WWP1: variants seen among roughly 807,000 people sequenced by gnomAD.
WWP1 encodes WW domain containing E3 ubiquitin protein ligase 1, also known as NEDD4-like E3 ubiquitin-protein ligase WWP1.
In WWP1, 49 loss-of-function variants were observed where a neutral mutation model predicts 130.6. That is an observed-to-expected ratio of 0.38 (90% CI 0.30 to 0.48). The LOEUF is 0.48. WWP1 is among the 20% of genes least tolerant of loss of function. The pLI, the probability that WWP1 is intolerant of heterozygous loss-of-function variation, is 0.99. For synonymous variants in WWP1, 332 were observed against 367.8 expected, an observed-to-expected ratio of 0.90 and a Z score of 1.11; for missense variants, 809 against 1,100.6, an observed-to-expected ratio of 0.74 and a Z score of 3.75.
At position 86,417,340 on chromosome 8, in the gene WWP1, C is replaced by T. The variant is rs137969043; in HGVS notation, c.1061+5466C>T. The T allele has an allele frequency of 2.3e-3, 346 of 152,146 alleles. 1 individual carries two copies. Among genetic ancestry groups the T allele is most frequent in the African/African-American group, 7.6e-3 (316 of 41,494 alleles). 9.4% of individuals were successfully genotyped at this position (152,146 alleles called of 1,614,324 possible). On this transcript the variant is annotated intron_variant, in intron 9 of 24. Transcript: ENST00000517970. Reference sequence around the variant, plus strand: ...GGTTCACAAAGCCTAAGATATTTACCGTCTGGCTCTTTGTAGAAATTTGCC... The same window carrying T: ...GGTTCACAAAGCCTAAGATATTTACTGTCTGGCTCTTTGTAGAAATTTGCC...
rs1012959189 is a variant in WWP1, at chr8:86,364,833, AAG to A, written c.-114-4082_-114-4081del. Among the ~76,000 whole-genome samples, 252 of 113,730 alleles carry A rather than the reference AAG, an allele frequency of 2.2e-3. 2 individuals are homozygous for A. Among genetic ancestry groups the A allele is most frequent in the East Asian group, 0.011 (49 of 4,356 alleles). 74.6% of individuals were successfully genotyped at this position (113,730 alleles called of 152,430 possible). A position where few individuals can be genotyped will look rare whatever the true frequency, so the allele number is the denominator to read the frequency against. On this transcript the variant is annotated intron_variant, in intron 1 of 24. Coordinates refer to ENST00000517970, the MANE Select transcript of WWP1 (RefSeq NM_007013.4). ...AAAGAAAGAAAGAAAGAAAGAAAGAAAGAGAGAGAGAGAGAGAGAGAGAGAAA... is the reference window on the plus strand; with the variant it reads ...AAAGAAAGAAAGAAAGAAAGAAAGAAAGAGAGAGAGAGAGAGAGAGAGAAA...
intron 1 of WWP1, among the ~76,000 whole-genome samples, chr8:86,351,263 T>C (rs1457524279): frequency 6.6e-6 from 1 of 152,234 alleles, no homozygotes; most frequent in Non-Finnish European, 1.5e-5. Flanking sequence ...TTCACTTTGC[T>C]GTGAGCTACT....
chr8:86,453,165 A>G (rs1811265494), intron 21 of WWP1, among the ~76,000 whole-genome samples: 2 of 152,148 alleles, frequency 1.3e-5, no homozygotes. Context: ...TCATCCTGCA[A>G]AACTGAAACT....
chr8:86,446,354 TTGA>T (rs1810880520), intron 18 of WWP1, among the ~76,000 whole-genome samples: 1 of 152,130 alleles, frequency 6.6e-6, no homozygotes, highest in African/African-American at 2.4e-5. Context: ...TTTTTTCTTG[TTGA>T]TTTGCTTACT....
chr8:86,364,140 A>G (rs1823826513), intron 1 of WWP1, among the ~76,000 whole-genome samples: 1 of 152,232 alleles, frequency 6.6e-6, no homozygotes. Flanking sequence ...GATTAGAATT[A>G]ATGAGAATGA....
At chr8:86,397,735 T>A (rs1159950179) in intron 5 of WWP1, among the ~76,000 whole-genome samples, 1 of 152,176 alleles carries the variant, frequency 6.6e-6, no homozygotes, top group Non-Finnish European at 1.5e-5. Context: ...GAACTAGATG[T>A]TCTAATAATG....
chr8:86,440,436 A>G (rs1288048882), intron 17 of WWP1, among the ~76,000 whole-genome samples: 2 of 152,200 alleles, frequency 1.3e-5, no homozygotes, highest in African/African-American at 4.8e-5. Context: ...TTCACTAGAT[A>G]TAAATTTCTC....
At chr8:86,354,157 A>T (rs893320699) in intron 1 of WWP1, among the ~76,000 whole-genome samples, 32 of 152,340 alleles carry the variant, frequency 2.1e-4, no homozygotes, top group African/African-American at 7.7e-4. Context: ...ACTGAGAATA[A>T]TATACCCAAT....
At chr8:86,403,220 A>G (rs1808097928) in intron 8 of WWP1, among the ~76,000 whole-genome samples, 1 of 152,198 alleles carries the variant, frequency 6.6e-6, no homozygotes, top group Non-Finnish European at 1.5e-5. Flanking sequence ...TTGTCTATTT[A>G]TGGAAGTATT....
At position 86,380,766 on chromosome 8, in the gene WWP1, A is replaced by C; in HGVS notation, c.111A>C (p.Gly37=). The change falls in exon 4 of 25, where the codon GGA becomes GGC. Residue 37 remains glycine, a synonymous_variant. Coordinates refer to ENST00000517970, the MANE Select transcript of WWP1 (RefSeq NM_007013.4). ...TTAAAAGAAAAAAGAACTGGTTCGG[A>C]ACAGCAATATATACAGAAGTAGTTG... The part of the protein sequence containing the change: ...AKLKRKKNWF[G]TAIYTEVVVD... The C allele has an allele frequency of 4.3e-6, 7 of 1,612,358 alleles. No homozygotes were observed. The highest frequency in any genetic ancestry group is 5.9e-6 in the Non-Finnish European group (7 of 1,179,420).
intron 3 of WWP1, among the ~76,000 whole-genome samples, chr8:86,376,856 C>A (rs1824686589): frequency 6.6e-6 from 1 of 152,166 alleles, no homozygotes. Flanking sequence ...TTCTTCTTGT[C>A]TTTGTCTTCC....
At chr8:86,343,495 T>A (rs563417647) in intron 1 of WWP1, among the ~76,000 whole-genome samples, 11 of 148,340 alleles carry the variant, frequency 7.4e-5, no homozygotes, top group African/African-American at 2.5e-4. Flanking sequence ...CCTTGCAGAT[T>A]TTACCAGTCC....
intron 21 of WWP1, among the ~76,000 whole-genome samples, chr8:86,453,292 T>C (rs1393188313): frequency 6.6e-6 from 1 of 152,172 alleles, no homozygotes; most frequent in South Asian, 2.1e-4. Context: ...TACAGTATTT[T>C]ACTTTCTGTG....
At chr8:86,366,289 G>A (rs139020332) in intron 1 of WWP1, among the ~76,000 whole-genome samples, 56 of 152,328 alleles carry the variant, frequency 3.7e-4, no homozygotes, top group African/African-American at 1.2e-3. Flanking sequence ...TGAGTTGTTG[G>A]CATAGATGCA....
intron 22 of WWP1, among the ~76,000 whole-genome samples, chr8:86,458,536 A>G (rs771842957): frequency 6.6e-6 from 1 of 152,214 alleles, no homozygotes; most frequent in East Asian, 1.9e-4. Flanking sequence ...AGTGTACCAC[A>G]CTAATCTTGA....
intron 21 of WWP1, 102 bp from the exon 22 acceptor site, chr8:86,457,819 A>G (rs1811541088): frequency 9.9e-7 from 1 of 1,012,422 alleles, no homozygotes; most frequent in Non-Finnish European, 1.5e-6. Flanking sequence ...ATAGCTTTTC[A>G]CATAATTTGC....
At chr8:86,427,942 C>A in intron 11 of WWP1, 125 bp downstream of exon 11, 2 of 814,258 alleles carry the variant, frequency 2.5e-6, no homozygotes, top group South Asian at 3.2e-5. Flanking sequence ...ATGGTATAGA[C>A]TGTGTTACAA....
intron 8 of WWP1, among the ~76,000 whole-genome samples, chr8:86,410,076 A>G (rs2130556306): frequency 6.6e-6 from 1 of 152,300 alleles, no homozygotes; most frequent in Admixed American, 6.5e-5. Flanking sequence ...GTTTCCTAAT[A>G]TCAAATCATC....
At position 86,365,356 on chromosome 8, in the gene WWP1, A is replaced by G. The variant is rs188390845; in HGVS notation, c.-114-3583A>G. On this transcript the variant is annotated intron_variant, in intron 1 of 24. Transcript: ENST00000517970. Reference sequence around the variant, plus strand: ...AGATGGAGGGAAGATAGTCGAAGTTATTAGATTCTGTGGTTAGATAGGCAT... The same window carrying G: ...AGATGGAGGGAAGATAGTCGAAGTTGTTAGATTCTGTGGTTAGATAGGCAT... Among the ~76,000 whole-genome samples, 11 of 152,328 alleles carry G rather than the reference A, an allele frequency of 7.2e-5. No individual in the cohort carries two copies. The East Asian group carries it at 1.5e-3, about 21-fold the overall frequency.
Sources: allele counts gnomAD v4.1 joint callset (sites outside exome capture counted in the v4.1 genomes callset), GRCh38; gene constraint gnomAD v4.1.1; transcripts MANE v1.5; gene names NCBI Gene and HGNC (gene_info 2026-07-23, HGNC 2026-07-21).